The following RARB variants were observed in gnomAD, a reference collection of about 807,000 sequenced individuals.
The protein encoded by RARB is HBV-activated protein.
Under a neutral mutation model 51.9 loss-of-function variants are expected in RARB, and 17 were observed. The observed-to-expected ratio is 0.33, with a 90% confidence interval of 0.22 to 0.49. The LOEUF is 0.49. RARB is among the 20% of genes least tolerant of loss of function. The probability of loss-of-function intolerance (pLI) is 0.99; values close to 1 mark genes in which losing one functional copy is unlikely to be tolerated. For synonymous variants in RARB, 215 were observed against 195.4 expected (o/e 1.10, Z -0.84); for missense variants, 369 against 550.8 (o/e 0.67, Z 3.30).
At chr3:25,304,195 G>T (rs569019801) in intron 5 of RARB, among the ~76,000 whole-genome samples, 1 of 152,100 alleles carries the variant, frequency 6.6e-6, no homozygotes. Flanking sequence ...AAGGCCTTCC[G>T]AATCCCAGCT....
intron 5 of RARB, among the ~76,000 whole-genome samples, chr3:25,355,875 T>G (rs2125460304): frequency 6.6e-6 from 1 of 152,192 alleles, no homozygotes; most frequent in Admixed American, 6.6e-5. Context: ...TGTGAGTAAG[T>G]CTCTTATTTT....
At chr3:25,562,719 G>C (rs1266257633) in intron 3 of RARB, among the ~76,000 whole-genome samples, 1 of 152,120 alleles carries the variant, frequency 6.6e-6, no homozygotes, top group East Asian at 1.9e-4. Flanking sequence ...TAAATCTCTT[G>C]CCTTGCAAGG....
At chr3:25,048,405 C>T (rs993497302) in intron 2 of RARB, among the ~76,000 whole-genome samples, 10 of 152,198 alleles carry the variant, frequency 6.6e-5, no homozygotes, top group Non-Finnish European at 1.2e-4. Context: ...TAATTAAGTA[C>T]ACACAACTTT....
At chr3:25,188,189 G>T (rs1006038639) in intron 5 of RARB, among the ~76,000 whole-genome samples, 2 of 151,954 alleles carry the variant, frequency 1.3e-5, no homozygotes, top group African/African-American at 2.4e-5. Flanking sequence ...TTCATTTCTG[G>T]GTCAGGGAAT....
At position 25,428,632 on chromosome 3, in the gene RARB, AAGG is replaced by A. The variant is rs1238971653; in HGVS notation, c.-99_-97del. The A allele has an allele frequency of 6.9e-6, 10 of 1,448,546 alleles. No homozygotes were observed. The highest frequency in any genetic ancestry group is 9.2e-6 in the Non-Finnish European group (10 of 1,090,206). The allele number at this position is 1,448,546 out of a possible 1,614,324, so 89.7% of individuals were successfully genotyped here. A position where few individuals can be genotyped will look rare whatever the true frequency, so the allele number is the denominator to read the frequency against. ...AAGACCAACAGCCTACGTGCCAAAAAAGGGGCAGAGTTTGATGGAGTTGGGTGG... is the reference window on the plus strand; with the variant it reads ...AAGACCAACAGCCTACGTGCCAAAAAGGCAGAGTTTGATGGAGTTGGGTGG... On this transcript the variant is annotated 5_prime_UTR_variant, in exon 1 of 8. Coordinates refer to ENST00000330688, the MANE Select transcript of RARB (RefSeq NM_000965.5).
At chr3:25,234,270 C>T (rs1200492023) in intron 5 of RARB, among the ~76,000 whole-genome samples, 1 of 152,078 alleles carries the variant, frequency 6.6e-6, no homozygotes, top group African/African-American at 2.4e-5. Flanking sequence ...CACATTTCTT[C>T]TTGAGTGACT....
rs543701430 is a variant in RARB at position 25,269,497 on chromosome 3, A to G, written c.178+94922A>G. Among the ~76,000 whole-genome samples, 18 of 152,238 alleles carry G rather than the reference A, an allele frequency of 1.2e-4. No individual in the cohort carries two copies. In the South Asian group the frequency reaches 1.5e-3, roughly 12 times the overall value. ...GTTACTTTAGCTTGTTTATACTTCA[A>G]TTTCTTCGGCTGTTCAATGTGGATA... On this transcript the variant is annotated intron_variant, in intron 5 of 11. Transcript: ENST00000383772.
chr3:25,027,131 A>G (rs1697766111), intron 2 of RARB, among the ~76,000 whole-genome samples: 1 of 152,224 alleles, frequency 6.6e-6, no homozygotes, highest in Non-Finnish European at 1.5e-5. Flanking sequence ...TTAGGAATGG[A>G]AAAGAATAAC....
At chr3:25,208,366 A>G (rs1701608748) in intron 5 of RARB, among the ~76,000 whole-genome samples, 1 of 152,234 alleles carries the variant, frequency 6.6e-6, no homozygotes, top group Non-Finnish European at 1.5e-5. Flanking sequence ...TCATCCACTT[A>G]TAGACAGTAA....
chr3:25,468,981 G>A (rs776974544), intron 2 of RARB, among the ~76,000 whole-genome samples: 48 of 152,368 alleles, frequency 3.2e-4, no homozygotes, highest in Admixed American at 2.0e-4. Flanking sequence ...CCACAAGGGC[G>A]CAGAGGAAAT....
At chr3:25,166,384 T>C (rs930096982) in intron 4 of RARB, among the ~76,000 whole-genome samples, 2 of 152,272 alleles carry the variant, frequency 1.3e-5, no homozygotes, top group Admixed American at 6.5e-5. Context: ...AAACAGGTAC[T>C]TGGCTGGATG....
chr3:25,536,563 A>G (rs1426024127), intron 3 of RARB, among the ~76,000 whole-genome samples: 1 of 152,258 alleles, frequency 6.6e-6, no homozygotes, highest in African/African-American at 2.4e-5. Flanking sequence ...AAAGTAGAGT[A>G]CAAACCTAGA....
chr3:25,345,969 C>A, intron 5 of RARB: 2 of 775,508 alleles, frequency 2.6e-6, no homozygotes, highest in Non-Finnish European at 3.1e-6. Context: ...ACAAAGTCTG[C>A]AGTTTGGGGC....
Position 25,347,498 on chromosome 3 carries a change from C to A in RARB, c.179-113695C>A, listed in dbSNP as rs144538365. ...AACAAAGAAAATTGCCTTTAGGCAC[C>A]CTTAGATTTTTAAATGAAGTTTTCT... On this transcript the variant is annotated intron_variant, in intron 5 of 11. Transcript: ENST00000383772. Among the ~76,000 whole-genome samples, 4 of 152,186 alleles carry A rather than the reference C, an allele frequency of 2.6e-5. No homozygotes were observed. The East Asian group carries it at 7.7e-4, about 29-fold the overall frequency.
At chr3:25,138,960 C>G (rs1439758609) in intron 4 of RARB, among the ~76,000 whole-genome samples, 1 of 152,052 alleles carries the variant, frequency 6.6e-6, no homozygotes, top group Non-Finnish European at 1.5e-5. Flanking sequence ...ATATTTCAAA[C>G]TTTTTCATTA....
intron 2 of RARB, among the ~76,000 whole-genome samples, chr3:24,879,529 A>G (rs1194236692): frequency 1.3e-5 from 2 of 149,630 alleles, no homozygotes; most frequent in African/African-American, 5.0e-5. Context: ...TTAACAATCA[A>G]GAATCACTTT....
chr3:25,271,830 C>A (rs1237008501), intron 5 of RARB, among the ~76,000 whole-genome samples: 1 of 152,068 alleles, frequency 6.6e-6, no homozygotes, highest in Admixed American at 6.6e-5. Flanking sequence ...TTAAAATGTT[C>A]AATCTTGCTG....
At chr3:24,938,043 C>CACACAT (rs1695582273) in intron 2 of RARB, among the ~76,000 whole-genome samples, 1 of 38,396 alleles carries the variant, frequency 2.6e-5, no homozygotes, top group African/African-American at 1.6e-4. Flanking sequence ...TGCACACATG[C>CACACAT]GCACACACAC....
intron 2 of RARB, among the ~76,000 whole-genome samples, chr3:24,926,566 C>T (rs1203284185): frequency 1.3e-5 from 2 of 151,960 alleles, no homozygotes; most frequent in Non-Finnish European, 2.9e-5. Flanking sequence ...AGCTGTTAAA[C>T]AAAAAGGATG....
Sources: gnomAD v4.1 joint callset for allele counts (sites outside exome capture counted in the v4.1 genomes callset) on GRCh38, gnomAD v4.1.1 for gene constraint, MANE v1.5 for transcripts, NCBI Gene and HGNC (gene_info 2026-07-23, HGNC 2026-07-21) for gene names.